The following ZDHHC3 variants were observed in gnomAD, a reference collection of about 807,000 sequenced individuals.
ZDHHC3 encodes palmitoyltransferase ZDHHC3.
In ZDHHC3, 9 loss-of-function variants were observed where a neutral mutation model predicts 30.6. The ratio of observed to expected loss-of-function variants is 0.29; its 90% confidence interval spans 0.18 to 0.51. The LOEUF is 0.51. Among genes scored for constraint, ZDHHC3 ranks in the 20% least tolerant of loss-of-function variants. ZDHHC3 has a pLI of 0.97. For missense variants in ZDHHC3, 246 were observed against 384.2 expected (o/e 0.64, Z 3.01); for synonymous variants, 136 against 140.2 (o/e 0.97, Z 0.21).
At position 44,919,928 on chromosome 3, in the gene ZDHHC3, T is replaced by A; in HGVS notation, c.*6761A>T. 9.6e-7 allele frequency: 1 copy of A among 1,037,754 alleles called. No individual in the cohort carries two copies. The highest frequency in any genetic ancestry group is 1.2e-6 in the Non-Finnish European group (1 of 857,954). 64.3% of individuals were successfully genotyped at this position (1,037,754 alleles called of 1,614,324 possible). A position where few individuals can be genotyped will look rare whatever the true frequency, so the allele number is the denominator to read the frequency against. On this transcript the variant is annotated 3_prime_UTR_variant, in exon 7 of 7. Transcript: ENST00000424952. ...AATTATAATAATGCAAAGCTGGAAA[T>A]GAGAAATGCCCAATAATGATGGTTA...
chr3:44,945,783 T>G (rs1015333608), intron 2 of ZDHHC3, among the ~76,000 whole-genome samples: 3 of 152,056 alleles, frequency 2.0e-5, no homozygotes, highest in Non-Finnish European at 2.9e-5. Flanking sequence ...GGTCTCAATC[T>G]CCTGACCTTG....
At chr3:44,929,159 G>GT in intron 6 of ZDHHC3, 147 bp downstream of exon 6, 1 of 1,080,498 alleles carries the variant, frequency 9.3e-7, no homozygotes, top group African/African-American at 1.6e-5. Context: ...TGACCCAAGT[G>GT]TAACTGCAAA....
At chr3:44,964,174 A>G (rs1037427328) in intron 1 of ZDHHC3, among the ~76,000 whole-genome samples, 1 of 152,250 alleles carries the variant, frequency 6.6e-6, no homozygotes, top group Non-Finnish European at 1.5e-5. Context: ...GCTAACACAT[A>G]GGTGACTAAT....
chr3:44,975,764 T>TCACACA (rs1335553619), intron 1 of ZDHHC3, among the ~76,000 whole-genome samples, 169 bp downstream of exon 1: 23 of 144,130 alleles, frequency 1.6e-4, no homozygotes, highest in African/African-American at 5.6e-4. Flanking sequence ...TCTCTCTCTC[T>TCACACA]CTCTCTCTCA....
chr3:44,972,985 A>G (rs1705528698), intron 1 of ZDHHC3, among the ~76,000 whole-genome samples: 1 of 152,160 alleles, frequency 6.6e-6, no homozygotes, highest in African/African-American at 2.4e-5. Flanking sequence ...CTCCTTAGCT[A>G]CTTGGAGTTA....
intron 3 of ZDHHC3, among the ~76,000 whole-genome samples, chr3:44,941,060 C>T (rs1027186503): frequency 6.6e-6 from 1 of 152,164 alleles, no homozygotes; most frequent in Non-Finnish European, 1.5e-5. Flanking sequence ...AAGCCCAGGG[C>T]CCCCTTTAGC....
At position 44,924,333 on chromosome 3, in the gene ZDHHC3, C is replaced by A; in HGVS notation, c.*2356G>T. ...CATTCCTCAGTCATTGTGCTCTTGG[C>A]AAAATATCAGTCTGAACAAAAATGA... On this transcript the variant is annotated 3_prime_UTR_variant, in exon 7 of 7. Coordinates refer to ENST00000424952, the MANE Select transcript of ZDHHC3 (RefSeq NM_001135179.2). The A allele has an allele frequency of 2.0e-6, 2 of 985,328 alleles. No individual in the cohort carries two copies. The highest frequency in any genetic ancestry group is 2.4e-6 in the Non-Finnish European group (2 of 829,876). The allele number at this position is 985,328 out of a possible 1,614,324, so 61.0% of individuals were successfully genotyped here. A position where few individuals can be genotyped will look rare whatever the true frequency, so the allele number is the denominator to read the frequency against.
Position 44,917,713 on chromosome 3 carries a change from G to T in ZDHHC3, c.*8976C>A. On this transcript the variant is annotated 3_prime_UTR_variant, in exon 7 of 7. Coordinates refer to ENST00000424952, the MANE Select transcript of ZDHHC3 (RefSeq NM_001135179.2). The stretch of plus-strand genomic sequence containing the variant: ...CCTCTGATGTCCCCAGCCTACTCCC[G>T]ACCCCCAGACCTGGCCCAACATGGA... 3.2e-6 allele frequency: 2 copies of T among 619,596 alleles called. No homozygotes were observed. The highest frequency in any genetic ancestry group is 2.4e-6 in the Non-Finnish European group (1 of 419,488). The allele number at this position is 619,596 out of a possible 1,614,324, so 38.4% of individuals were successfully genotyped here. A position where few individuals can be genotyped will look rare whatever the true frequency, so the allele number is the denominator to read the frequency against.
chr3:44,937,979 C>T (rs529497019), intron 3 of ZDHHC3: 6 of 431,356 alleles, frequency 1.4e-5, no homozygotes, highest in East Asian at 7.0e-5. Context: ...TTAAACACAG[C>T]GGAAATACCA....
chr3:44,961,835 G>C (rs1704506897), intron 1 of ZDHHC3, among the ~76,000 whole-genome samples: 1 of 152,168 alleles, frequency 6.6e-6, no homozygotes, highest in Admixed American at 6.5e-5. Context: ...ATAATGTTTT[G>C]TTGGACCACA....
chr3:44,933,079 C>T (rs1272988014), intron 5 of ZDHHC3, 39 bp downstream of exon 5: 11 of 1,613,182 alleles, frequency 6.8e-6, no homozygotes, highest in Non-Finnish European at 9.3e-6. Context: ...GTCACACACC[C>T]ACCCTGGAGC....
chr3:44,950,235 G>C (rs1703323798), intron 2 of ZDHHC3, among the ~76,000 whole-genome samples: 1 of 152,196 alleles, frequency 6.6e-6, no homozygotes, highest in African/African-American at 2.4e-5. Flanking sequence ...ATGTGTATAA[G>C]AGAAAAAGTG....
intron 2 of ZDHHC3, among the ~76,000 whole-genome samples, chr3:44,955,092 GC>G (rs905809620): frequency 4.6e-5 from 7 of 152,152 alleles, no homozygotes; most frequent in Non-Finnish European, 8.8e-5. Flanking sequence ...CCAAACATGA[GC>G]CTGACTTGTG....
chr3:44,936,683 A>G (rs1362985988), intron 3 of ZDHHC3, among the ~76,000 whole-genome samples: 1 of 152,238 alleles, frequency 6.6e-6, no homozygotes, highest in Non-Finnish European at 1.5e-5. Context: ...ATGTGGCCAC[A>G]AAGATGGGAA....
rs946732828 is a variant in ZDHHC3, at chr3:44,926,466, G to C, written c.*223C>G. The C allele has an allele frequency of 7.8e-7, 1 of 1,276,216 alleles. No homozygotes were observed. The highest frequency in any genetic ancestry group is 9.9e-7 in the Non-Finnish European group (1 of 1,014,346). The allele number at this position is 1,276,216 out of a possible 1,614,324, so 79.1% of individuals were successfully genotyped here. On this transcript the variant is annotated 3_prime_UTR_variant, in exon 7 of 7. Coordinates refer to ENST00000424952, the MANE Select transcript of ZDHHC3 (RefSeq NM_001135179.2). ...GAGAAGTGATTTTAAAAGGAAAAGA[G>C]AGCAGCTTCGGTCACCAAAAGAAAT...
intron 2 of ZDHHC3, chr3:44,958,519 C>T (rs559997480): frequency 5.2e-6 from 7 of 1,344,030 alleles, no homozygotes; most frequent in African/African-American, 4.3e-5. Flanking sequence ...TCAATAGCCA[C>T]GTGCGCAGCT....
rs1246954938 is a variant in ZDHHC3 at position 44,918,708 on chromosome 3, G to A, written c.*7981C>T. On this transcript the variant is annotated 3_prime_UTR_variant, in exon 7 of 7. Coordinates refer to ENST00000424952, the MANE Select transcript of ZDHHC3 (RefSeq NM_001135179.2). ...GCATTAGGCAGCCGGAGGGCACACA[G>A]GACCACTGTGGGGAGGTAAGGCTGG... 2 of 994,556 alleles carry A rather than the reference G, an allele frequency of 2.0e-6. No homozygotes were observed. The highest frequency in any genetic ancestry group is 1.1e-4 in the East Asian group (1 of 9,258). 61.6% of individuals were successfully genotyped at this position (994,556 alleles called of 1,614,324 possible). A position where few individuals can be genotyped will look rare whatever the true frequency, so the allele number is the denominator to read the frequency against.
chr3:44,968,083 C>T (rs563227812), intron 1 of ZDHHC3, among the ~76,000 whole-genome samples: 15 of 152,086 alleles, frequency 9.9e-5, no homozygotes, highest in African/African-American at 2.4e-4. Context: ...GGATTCAAAA[C>T]GGCTCTGCTT....
chr3:44,937,553 T>TTC (rs1702073750), intron 3 of ZDHHC3: 1 of 142,312 alleles, frequency 7.0e-6, no homozygotes, highest in Non-Finnish European at 1.5e-5. Flanking sequence ...AAATAAGTTT[T>TTC]TTTTTTTTTT....
Sources: allele counts gnomAD v4.1 joint callset (sites outside exome capture counted in the v4.1 genomes callset), GRCh38; gene constraint gnomAD v4.1.1; transcripts MANE v1.5; gene names NCBI Gene and HGNC (gene_info 2026-07-23, HGNC 2026-07-21).